Variants in LAMC3 observed in about 807,000 individuals in gnomAD.
LAMC3 encodes laminin subunit gamma-3.
In LAMC3, 128 loss-of-function variants were observed where a neutral mutation model predicts 173.8. The observed-to-expected ratio is 0.74, with a 90% CI of 0.64 to 0.85. The LOEUF (loss-of-function observed/expected upper bound fraction) is 0.85, where lower values mean the gene tolerates loss of function less well. Ranked by LOEUF, LAMC3 falls within the 40% of genes least tolerant of loss-of-function variation. LAMC3 has a pLI of 0.00. For synonymous variants in LAMC3, 897 were observed against 909.1 expected (o/e 0.99, Z 0.24); for missense variants, 2,022 against 2,156.0 (o/e 0.94, Z 1.23).
Position 131,091,628 on chromosome 9 carries a change from G to T in LAMC3, c.4569G>T (p.Gly1523=), listed in dbSNP as rs774574466. Residue 1523 remains glycine, a synonymous_variant, in exon 28 of 28, where the codon GGG becomes GGT. Coordinates refer to ENST00000361069, the MANE Select transcript of LAMC3 (RefSeq NM_006059.4). ...ERLRLQLGSP[G]SLQRKLSLLE... Reference sequence around the variant, plus strand: ...TGAGGCTGCAGCTGGGCTCCCCGGGGTCCTTGCAGAGGAAACTCAGTCTGC... The same window carrying T: ...TGAGGCTGCAGCTGGGCTCCCCGGGTTCCTTGCAGAGGAAACTCAGTCTGC... 1 of 1,599,522 alleles carries T rather than the reference G, an allele frequency of 6.3e-7. No individual in the cohort carries two copies. The highest frequency in any genetic ancestry group is 1.3e-5 in the African/African-American group (1 of 74,804).
In LAMC3 at chr9:131,068,148, C is replaced by T. The variant is rs1320539655; in HGVS notation, c.2664C>T (p.Ser888=). 1.2e-6 allele frequency: 2 copies of T among 1,613,418 alleles called. No homozygotes were observed. The highest frequency in any genetic ancestry group is 1.7e-6 in the Non-Finnish European group (2 of 1,180,034). The change falls in exon 15 of 28, where the codon TCC becomes TCT. Residue 888 remains serine (S), a synonymous_variant. Transcript: ENST00000361069. ...GCGACCCAGTGACAGGCCAATGCTCCTGCCTGCCTCATGTGACTGCACGGG... is the reference window on the plus strand; with the variant it reads ...GCGACCCAGTGACAGGCCAATGCTCTTGCCTGCCTCATGTGACTGCACGGG... ...MPCDPVTGQC[S]CLPHVTARDC...
At chr9:131,042,774 A>G (rs1051183220) in intron 7 of LAMC3, among the ~76,000 whole-genome samples, 5 of 151,078 alleles carry the variant, frequency 3.3e-5, no homozygotes, top group African/African-American at 1.2e-4. Flanking sequence ...CATAGCAGAC[A>G]TCATTCATGG....
At chr9:131,014,070 G>T (rs926846331) in intron 1 of LAMC3, among the ~76,000 whole-genome samples, 10 of 152,212 alleles carry the variant, frequency 6.6e-5, no homozygotes, top group Admixed American at 2.6e-4. Flanking sequence ...TGCCCTCCAG[G>T]CCCCTGGGCC....
At chr9:131,079,022 TG>T in intron 22 of LAMC3, 126 bp from the exon 23 acceptor site, 2 of 1,203,868 alleles carry the variant, frequency 1.7e-6, no homozygotes, top group Non-Finnish European at 2.4e-6. Context: ...TCAGGGGGCT[TG>T]GGTTCTTGGC....
rs769210148 is a variant in LAMC3 at position 131,052,887 on chromosome 9, C to T, written c.1861C>T (p.Pro621Ser). The T allele has an allele frequency of 1.2e-6, 2 of 1,613,004 alleles. No individual in the cohort carries two copies. Among genetic ancestry groups the T allele is most frequent in the Non-Finnish European group, 1.7e-6 (2 of 1,179,858 alleles). The change falls in exon 11 of 28, where the codon CCC becomes TCC. Residue 621 changes from proline (P) to serine (S), a missense_variant. Coordinates refer to ENST00000361069, the MANE Select transcript of LAMC3 (RefSeq NM_006059.4). ...CTCCGAGGACGTGGCCCCTCCACTG[C>T]CCCCCTTCCACTTCCAGCGGCTCCT... ...ETSEDVAPPL[P>S]PFHFQRLLAN...
At chr9:131,081,157 T>G (rs1352724557) in intron 23 of LAMC3, among the ~76,000 whole-genome samples, 1 of 152,236 alleles carries the variant, frequency 6.6e-6, no homozygotes, top group Non-Finnish European at 1.5e-5. Flanking sequence ...GTGTAATATG[T>G]GCCGATGGTG....
At chr9:131,013,185 C>T (rs1479734624) in intron 1 of LAMC3, among the ~76,000 whole-genome samples, 8 of 152,168 alleles carry the variant, frequency 5.3e-5, no homozygotes, top group Non-Finnish European at 8.8e-5. Context: ...TGCTTGGGGT[C>T]GCACAACTCA....
intron 13 of LAMC3, among the ~76,000 whole-genome samples, chr9:131,062,890 A>G (rs951969818): frequency 1.3e-5 from 2 of 151,982 alleles, no homozygotes; most frequent in Admixed American, 6.6e-5. Context: ...AAAAAAAAAA[A>G]AAGGATTGTT....
Position 131,029,036 on chromosome 9 carries a change from G to A in LAMC3, c.678+2447G>A, listed in dbSNP as rs1354990108. ...CACCTGTGTGGCTGACCTGTCTCCAGCCCCTCCAGAGGTGAAGCCGATTCT... is the reference window on the plus strand; with the variant it reads ...CACCTGTGTGGCTGACCTGTCTCCAACCCCTCCAGAGGTGAAGCCGATTCT... On this transcript the variant is annotated intron_variant, in intron 2 of 27. Coordinates refer to ENST00000361069, the MANE Select transcript of LAMC3 (RefSeq NM_006059.4). The surrounding 1 kb of genome is among the most constrained non-coding windows in gnomAD (Gnocchi z 4.6). Among the ~76,000 whole-genome samples, 1 of 152,170 alleles carries A rather than the reference G, an allele frequency of 6.6e-6. No individual in the cohort carries two copies. The highest frequency in any genetic ancestry group is 2.4e-5 in the African/African-American group (1 of 41,442).
intron 3 of LAMC3, among the ~76,000 whole-genome samples, chr9:131,034,257 C>A (rs1833901387): frequency 6.6e-6 from 1 of 152,226 alleles, no homozygotes; most frequent in Admixed American, 6.5e-5. Context: ...GTGTTTACAG[C>A]ACCCCCTCCA....
intron 1 of LAMC3, among the ~76,000 whole-genome samples, chr9:131,013,930 C>T (rs1801200871): frequency 6.6e-6 from 1 of 152,254 alleles, no homozygotes; most frequent in South Asian, 2.1e-4. Flanking sequence ...CTGCGATTGC[C>T]TTGGCCTGGG....
Position 131,052,683 on chromosome 9 carries a change from A to G in LAMC3, c.1823A>G (p.His608Arg), listed in dbSNP as rs1564377088. ...GHPREVELRFHLQETSEDVAP... is the reference protein window; with the variant it reads ...GHPREVELRFRLQETSEDVAP... ...CCCAGGGAGGTAGAGCTCAGGTTCC[A>G]GTAAGTATCCCCTTCTGTCCTGAGA... The change falls in exon 10 of 28, where the codon CAC (histidine) becomes CGC (arginine). Residue 608 changes from histidine to arginine, a missense_variant and splice_region_variant. Coordinates refer to ENST00000361069, the MANE Select transcript of LAMC3 (RefSeq NM_006059.4). The G allele has an allele frequency of 2.5e-6, 4 of 1,613,068 alleles. No individual in the cohort carries two copies. Among genetic ancestry groups the G allele is most frequent in the Non-Finnish European group, 3.4e-6 (4 of 1,179,476 alleles).
Position 131,026,660 on chromosome 9 carries a change from T to G in LAMC3, c.678+71T>G. On this transcript the variant is annotated intron_variant, in intron 2 of 27. Coordinates refer to ENST00000361069, the MANE Select transcript of LAMC3 (RefSeq NM_006059.4). The surrounding 1 kb of genome is among the most constrained non-coding windows in gnomAD (Gnocchi z 4.8). ...GGGTCACGGCAGTAGGAGGGTCTGA[T>G]GTGCCAGGACACACAGGGTGGGGGA... 6.8e-7 allele frequency: 1 copy of G among 1,470,696 alleles called. No individual in the cohort carries two copies. Among genetic ancestry groups the G allele is most frequent in the Non-Finnish European group, 9.0e-7 (1 of 1,113,230 alleles). 91.1% of individuals were successfully genotyped at this position (1,470,696 alleles called of 1,614,324 possible).
intron 13 of LAMC3, among the ~76,000 whole-genome samples, chr9:131,061,468 A>G (rs1829822553): frequency 6.6e-6 from 1 of 152,136 alleles, no homozygotes; most frequent in African/African-American, 2.4e-5. Context: ...ATTTGAAAAT[A>G]CCCGTATCTG....
At chr9:131,069,962 C>A in intron 17 of LAMC3, 112 bp downstream of exon 17, 2 of 1,114,420 alleles carry the variant, frequency 1.8e-6, no homozygotes, top group Non-Finnish European at 2.7e-6. Flanking sequence ...TCAGGCTTTG[C>A]AAGCCCACCA....
chr9:131,047,115 C>G (rs1210799170), intron 8 of LAMC3, among the ~76,000 whole-genome samples: 2 of 150,052 alleles, frequency 1.3e-5, no homozygotes, highest in Non-Finnish European at 3.0e-5. Context: ...TTTTGTCTCA[C>G]AGTTGCCCTT....
intron 13 of LAMC3, among the ~76,000 whole-genome samples, chr9:131,064,642 T>C (rs1330773733): frequency 2.7e-3 from 349 of 129,620 alleles, no homozygotes; most frequent in Non-Finnish European, 4.1e-3. Context: ...CCAGCCTGGG[T>C]GAAAGAGCGA....
At chr9:131,032,578 C>CGCTCTCTCTCTTGCTCTCTCTT (rs1833855710) in intron 3 of LAMC3, among the ~76,000 whole-genome samples, 1 of 141,078 alleles carries the variant, frequency 7.1e-6, no homozygotes, top group South Asian at 2.2e-4. Context: ...TGCTCTCTCT[C>CGCTCTCTCTCTTGCTCTCTCTT]GCTTGCTCTC....
chr9:131,027,346 C>T (rs534712350), intron 2 of LAMC3, among the ~76,000 whole-genome samples: 2 of 152,366 alleles, frequency 1.3e-5, no homozygotes, highest in African/African-American at 2.4e-5. Flanking sequence ...TGAGGGGCCT[C>T]GCTTCCTCCT....
Sources: allele counts gnomAD v4.1 joint callset (sites outside exome capture counted in the v4.1 genomes callset), GRCh38; gene constraint gnomAD v4.1.1; non-coding constraint Gnocchi (gnomAD v3.1); transcripts MANE v1.5; gene names NCBI Gene and HGNC (gene_info 2026-07-23, HGNC 2026-07-21).